Variants in PPP4R1 observed in about 807,000 individuals in gnomAD.
PPP4R1 encodes protein phosphatase 4 regulatory subunit 1, also known as serine/threonine-protein phosphatase 4 regulatory subunit 1.
PPP4R1 carries 42 observed loss-of-function variants against 111.2 expected under a neutral mutation model. That is an observed-to-expected ratio of 0.38 (90% confidence interval 0.29 to 0.49). The LOEUF is 0.49. Among genes scored for constraint, PPP4R1 ranks in the 20% least tolerant of loss-of-function variants. The pLI, the probability that PPP4R1 is intolerant of heterozygous loss-of-function variation, is 0.97. For missense variants in PPP4R1, 1,012 were observed against 1,161.6 expected (o/e 0.87, Z 1.87); for synonymous variants, 409 against 405.5 (o/e 1.01, Z -0.10).
chr18:9,571,533 G>A (rs1170224474), intron 10 of PPP4R1, among the ~76,000 whole-genome samples: 1 of 152,194 alleles, frequency 6.6e-6, no homozygotes, highest in Admixed American at 6.5e-5. Flanking sequence ...CAGAAAAAAT[G>A]AAGATATATC....
At position 9,550,364 on chromosome 18, in the gene PPP4R1, T is replaced by G. The variant is rs772199564; in HGVS notation, c.2326A>C (p.Arg776=). 1 of 1,605,016 alleles carries G rather than the reference T, an allele frequency of 6.2e-7. No homozygotes were observed. Among genetic ancestry groups the G allele is most frequent in the Admixed American group, 1.7e-5 (1 of 59,926 alleles). Residue 776 remains arginine, a synonymous_variant, in exon 17 of 20, where the codon AGA becomes CGA. Transcript: ENST00000400556. ...GGACGTAAATAGTCATAAACATCTCTGGGACTATATAACTCTAGAAGTAAA... is the reference window on the plus strand; with the variant it reads ...GGACGTAAATAGTCATAAACATCTCGGGGACTATATAACTCTAGAAGTAAA... ...LILLLELYSP[R]DVYDYLRPIA...
chr18:9,563,468 A>C lies in PPP4R1; in HGVS notation c.1656T>G (p.Ser552Arg). 6.2e-7 allele frequency: 1 copy of C among 1,607,912 alleles called. No homozygotes were observed. The highest frequency in any genetic ancestry group is 8.5e-7 in the Non-Finnish European group (1 of 1,174,784). The stretch of plus-strand genomic sequence containing the variant: ...TTATATCCAGTTCATCTTGCAAATC[A>C]CTTCTCTTTTCTATACTGATGGTCT... ...HEETISIEKRSDLQDELDINE... is the reference protein window; with the variant it reads ...HEETISIEKRRDLQDELDINE... The change falls in exon 12 of 20, where the codon AGT (serine) becomes AGG (arginine). Residue 552 changes from serine (S) to arginine (R), a missense_variant. Coordinates refer to ENST00000400556, the MANE Select transcript of PPP4R1 (RefSeq NM_001042388.3).
At chr18:9,575,227 G>A (rs907406379) in intron 10 of PPP4R1, among the ~76,000 whole-genome samples, 5 of 152,180 alleles carry the variant, frequency 3.3e-5, no homozygotes, top group African/African-American at 1.2e-4. Context: ...GAACTTTGAG[G>A]ACAGGAACGA....
At chr18:9,603,413 A>G (rs1598960490) in intron 2 of PPP4R1, among the ~76,000 whole-genome samples, 2 of 152,270 alleles carry the variant, frequency 1.3e-5, no homozygotes, top group East Asian at 3.9e-4. Flanking sequence ...GGTTTTTTCA[A>G]TCTGTAATAT....
chr18:9,563,314 C>A, intron 12 of PPP4R1, 64 bp downstream of exon 12: 1 of 1,461,940 alleles, frequency 6.8e-7, no homozygotes, highest in Non-Finnish European at 9.2e-7. Flanking sequence ...TACAACTATT[C>A]CCCAATGAAA....
intron 9 of PPP4R1, among the ~76,000 whole-genome samples, chr18:9,581,540 G>GA (rs78495410): frequency 6.6e-6 from 1 of 151,606 alleles, no homozygotes; most frequent in African/African-American, 2.4e-5. Flanking sequence ...TAGAGAGGGG[G>GA]AAAAAATTGA....
At position 9,548,721 on chromosome 18, in the gene PPP4R1, G is replaced by A. The variant is rs541951705; in HGVS notation, c.2689+476C>T. Among the ~76,000 whole-genome samples the A allele has an allele frequency of 1.1e-4, 16 of 152,098 alleles. No homozygotes were observed. The East Asian group carries it at 1.4e-3, about 13-fold the overall frequency. ...CACATGAGGTCAGGAGTTCGAGACCGGCCTGGCCAACATGGTGAAACCCCA... is the reference window on the plus strand; with the variant it reads ...CACATGAGGTCAGGAGTTCGAGACCAGCCTGGCCAACATGGTGAAACCCCA... On this transcript the variant is annotated intron_variant, in intron 19 of 19. Transcript: ENST00000400556.
chr18:9,549,195 A>C lies in PPP4R1; in HGVS notation c.2689+2T>G. 1 of 1,611,682 alleles carries C rather than the reference A, an allele frequency of 6.2e-7. No individual in the cohort carries two copies. On this transcript the variant is annotated splice_donor_variant, in intron 19 of 19. Transcript: ENST00000400556. LOFTEE classifies it high-confidence loss of function. ...GCTTCTTCTAGTGGAGTCACTACCT[A>C]CCTTTTTCTAGTAGAGTTTGTCTTA...
At chr18:9,570,765 A>G in intron 10 of PPP4R1, 82 bp from the exon 11 acceptor site, 1 of 1,396,026 alleles carries the variant, frequency 7.2e-7, no homozygotes, top group Non-Finnish European at 9.5e-7. Flanking sequence ...TATTACATAT[A>G]GCATTTAGAC....
chr18:9,583,643 A>C (rs2067068436), intron 8 of PPP4R1, among the ~76,000 whole-genome samples: 1 of 152,230 alleles, frequency 6.6e-6, no homozygotes, highest in Admixed American at 6.5e-5. Context: ...CTAGGATTAC[A>C]GGTGTGAGCC....
chr18:9,607,344 G>A (rs549697866), intron 2 of PPP4R1, among the ~76,000 whole-genome samples: 3 of 143,556 alleles, frequency 2.1e-5, no homozygotes, highest in African/African-American at 7.9e-5. Flanking sequence ...CTGGGCAACA[G>A]AGCCAGACCC....
At chr18:9,565,692 C>G (rs2066753653) in intron 11 of PPP4R1, among the ~76,000 whole-genome samples, 1 of 152,114 alleles carries the variant, frequency 6.6e-6, no homozygotes, top group Non-Finnish European at 1.5e-5. Flanking sequence ...AGAGCAAGGC[C>G]CTAACTGGCT....
intron 10 of PPP4R1, 53 bp from the exon 11 acceptor site, chr18:9,570,736 T>C: frequency 6.8e-7 from 1 of 1,474,838 alleles, no homozygotes; most frequent in Non-Finnish European, 9.0e-7. Context: ...ATAATTACTT[T>C]AAAAAAACTG....
intron 11 of PPP4R1, among the ~76,000 whole-genome samples, chr18:9,569,945 T>A (rs1337271848): frequency 6.6e-6 from 1 of 152,114 alleles, no homozygotes; most frequent in Non-Finnish European, 1.5e-5. Flanking sequence ...AGATGGGGTC[T>A]TACTATGTTG....
intron 15 of PPP4R1, among the ~76,000 whole-genome samples, chr18:9,555,031 G>C (rs1029840423): frequency 2.0e-5 from 3 of 152,224 alleles, no homozygotes; most frequent in Non-Finnish European, 2.9e-5. Flanking sequence ...GCCCAGCATA[G>C]TGGCTCACAT....
Position 9,588,243 on chromosome 18 carries a change from A to G in PPP4R1, c.439-8T>C. 6.2e-7 allele frequency: 1 copy of G among 1,611,284 alleles called. No individual in the cohort carries two copies. Among genetic ancestry groups the G allele is most frequent in the Non-Finnish European group, 8.5e-7 (1 of 1,178,940 alleles). On this transcript the variant is annotated splice_region_variant and splice_polypyrimidine_tract_variant and intron_variant, in intron 5 of 19. Coordinates refer to ENST00000400556, the MANE Select transcript of PPP4R1 (RefSeq NM_001042388.3). ...CTGACTTGTTTTCCTCACCTAGGAG[A>G]AAAATAACAACACAAAGAAAGTACA...
intron 10 of PPP4R1, among the ~76,000 whole-genome samples, chr18:9,576,090 G>C (rs2066931561): frequency 6.6e-6 from 1 of 152,146 alleles, no homozygotes; most frequent in Non-Finnish European, 1.5e-5. Flanking sequence ...CCTCAGGTTT[G>C]TTTGGCTATT....
At chr18:9,580,990 G>A (rs2145176762) in intron 9 of PPP4R1, among the ~76,000 whole-genome samples, 1 of 152,274 alleles carries the variant, frequency 6.6e-6, no homozygotes, top group Non-Finnish European at 1.5e-5. Context: ...GGTGGCTGTG[G>A]GCAGACCCAA....
chr18:9,606,424 A>C (rs946145644), intron 2 of PPP4R1, among the ~76,000 whole-genome samples: 3 of 152,222 alleles, frequency 2.0e-5, no homozygotes, highest in African/African-American at 7.2e-5. Context: ...ATGGTCCACA[A>C]AACCTAAACT....
Sources: gnomAD v4.1 joint callset for allele counts (sites outside exome capture counted in the v4.1 genomes callset) on GRCh38, gnomAD v4.1.1 for gene constraint, MANE v1.5 for transcripts, NCBI Gene and HGNC (gene_info 2026-07-23, HGNC 2026-07-21) for gene names.